Variants in GALNT2 observed in about 807,000 individuals in gnomAD.
The protein encoded by GALNT2 is polypeptide N-acetylgalactosaminyltransferase 2.
Under a neutral mutation model 81.4 loss-of-function variants are expected in GALNT2, and 31 were observed. The observed-to-expected ratio is 0.38, with a 90% CI of 0.29 to 0.51. The LOEUF (loss-of-function observed/expected upper bound fraction) is 0.51, where lower values mean the gene tolerates loss of function less well. GALNT2 is among the 20% of genes least tolerant of loss of function. The probability of loss-of-function intolerance (pLI) is 0.87; values close to 1 mark genes in which losing one functional copy is unlikely to be tolerated. For synonymous variants in GALNT2, 303 were observed against 287.4 expected, an observed-to-expected ratio of 1.05 and a Z score of -0.55; for missense variants, 629 against 765.7, an observed-to-expected ratio of 0.82 and a Z score of 2.11.
At chr1:230,092,800 A>G (rs1660134090) in intron 1 of GALNT2, among the ~76,000 whole-genome samples, 1 of 152,244 alleles carries the variant, frequency 6.6e-6, no homozygotes, top group South Asian at 2.1e-4. Context: ...GTAAGCACAG[A>G]TTCATTAAAA....
chr1:230,128,826 G>A (rs1184070580), intron 1 of GALNT2, among the ~76,000 whole-genome samples: 1 of 152,184 alleles, frequency 6.6e-6, no homozygotes, highest in Non-Finnish European at 1.5e-5. Context: ...CTTCCTATAT[G>A]TGGGGTGCCC....
chr1:230,236,892 T>G (rs1665050520), intron 6 of GALNT2, among the ~76,000 whole-genome samples, 167 bp downstream of exon 6: 2 of 152,216 alleles, frequency 1.3e-5, no homozygotes, highest in Admixed American at 6.5e-5. Context: ...GGAAAGACAT[T>G]AAAAGCTTGA....
intron 2 of GALNT2, among the ~76,000 whole-genome samples, chr1:230,186,218 CT>C (rs1261321849): frequency 1.3e-5 from 2 of 152,196 alleles, no homozygotes; most frequent in Non-Finnish European, 2.9e-5. Flanking sequence ...GTGTTCTTGA[CT>C]GTGGTTGGAC....
At chr1:230,166,710 T>C (rs890452692) in intron 1 of GALNT2, among the ~76,000 whole-genome samples, 2 of 152,236 alleles carry the variant, frequency 1.3e-5, no homozygotes, top group African/African-American at 2.4e-5. Context: ...ACTTCCTTGC[T>C]TTCTTCCCTT....
intron 1 of GALNT2, among the ~76,000 whole-genome samples, chr1:230,128,383 G>T (rs908177622): frequency 3.4e-5 from 5 of 145,266 alleles, no homozygotes; most frequent in African/African-American, 7.3e-5. Flanking sequence ...TCAGCCACTT[G>T]GAGTTTTGGG....
In GALNT2 at chr1:230,265,331, T is replaced by C. The variant is rs1450443283; in HGVS notation, c.1404T>C (p.Val468=). Residue 468 remains valine, a synonymous_variant, in exon 14 of 16, where the codon GTT becomes GTC. Coordinates refer to ENST00000366672, the MANE Select transcript of GALNT2 (RefSeq NM_004481.5). ...TGGGACACTTTGCTGATGGTGTGGT[T>C]GGAGTTTATGAATGTCACAATGCTG... ...DTLGHFADGV[V]GVYECHNAGG... 6.2e-7 allele frequency: 1 copy of C among 1,614,212 alleles called. No homozygotes were observed. The highest frequency in any genetic ancestry group is 1.1e-5 in the South Asian group (1 of 91,086).
intron 6 of GALNT2, among the ~76,000 whole-genome samples, chr1:230,240,465 G>T (rs948892129): frequency 4.6e-5 from 7 of 152,140 alleles, no homozygotes; most frequent in African/African-American, 1.7e-4. Flanking sequence ...GGTGGCATGC[G>T]CCTGTAGTCC....
At chr1:230,216,125 G>C (rs947007820) in intron 3 of GALNT2, among the ~76,000 whole-genome samples, 1 of 152,178 alleles carries the variant, frequency 6.6e-6, no homozygotes. Flanking sequence ...TGATAAATGA[G>C]ATCAATCTTC....
upstream of GALNT2, among the ~76,000 whole-genome samples, chr1:230,063,433 T>C (rs1209583171): frequency 6.6e-6 from 1 of 152,244 alleles, no homozygotes; most frequent in East Asian, 1.9e-4. Flanking sequence ...CATTACAGTT[T>C]GTCCTCATGA....
chr1:230,272,283 G>A (rs965177059), intron 14 of GALNT2, among the ~76,000 whole-genome samples: 14 of 152,116 alleles, frequency 9.2e-5, no homozygotes, highest in Admixed American at 6.5e-4. Context: ...ACTCAGGGTC[G>A]GGTGGCCTTC....
In GALNT2 at chr1:230,236,399, G is replaced by C; in HGVS notation, c.520G>C (p.Val174Leu). Residue 174 changes from valine (V) to leucine (L), a missense_variant, in exon 5 of 16, where the codon GTG (valine) becomes CTG (leucine). By Grantham distance (32) the Val-to-Leu change is conservative. Coordinates refer to ENST00000366672, the MANE Select transcript of GALNT2 (RefSeq NM_004481.5). ...PPHLIKEIIL[V>L]DDYSNDPEDG... Reference sequence around the variant, plus strand: ...CCATCTCATAAAAGAAATCATCTTGGTGGATGACTACAGCAATGATCGTGA... The same window carrying C: ...CCATCTCATAAAAGAAATCATCTTGCTGGATGACTACAGCAATGATCGTGA... The C allele has an allele frequency of 6.2e-7, 1 of 1,614,054 alleles. No individual in the cohort carries two copies. Among genetic ancestry groups the C allele is most frequent in the Non-Finnish European group, 8.5e-7 (1 of 1,179,972 alleles).
intron 1 of GALNT2, among the ~76,000 whole-genome samples, chr1:230,159,783 G>T (rs935474260): frequency 6.6e-6 from 1 of 152,222 alleles, no homozygotes; most frequent in Non-Finnish European, 1.5e-5. Flanking sequence ...CCTGCAGGCT[G>T]GCTGGCTTTG....
intron 11 of GALNT2, 47 bp downstream of exon 11, chr1:230,255,391 C>G (rs1262748889): frequency 6.2e-7 from 1 of 1,612,590 alleles, no homozygotes; most frequent in Non-Finnish European, 8.5e-7. Context: ...GATGACTACC[C>G]TGAAAGCAGG....
intron 1 of GALNT2, among the ~76,000 whole-genome samples, chr1:230,137,608 C>A (rs1027279488): frequency 6.6e-6 from 1 of 152,254 alleles, no homozygotes; most frequent in Non-Finnish European, 1.5e-5. Flanking sequence ...TACTTACATT[C>A]TCCTGATTCC....
intron 1 of GALNT2, among the ~76,000 whole-genome samples, chr1:230,080,163 G>A (rs1659683968): frequency 1.3e-5 from 2 of 152,166 alleles, no homozygotes; most frequent in African/African-American, 2.4e-5. Context: ...TACTGGCCCT[G>A]GAAGGATATT....
chr1:230,195,599 C>T lies in GALNT2; in HGVS notation c.221-7538C>T, dbSNP rs140252612. Among the ~76,000 whole-genome samples, 413 of 152,254 alleles carry T rather than the reference C, an allele frequency of 2.7e-3. 4 individuals carry two copies. The highest frequency in any genetic ancestry group is 0.017 in the Middle Eastern group (5 of 294). On this transcript the variant is annotated intron_variant, in intron 2 of 15. Coordinates refer to ENST00000366672, the MANE Select transcript of GALNT2 (RefSeq NM_004481.5). ...TATCTGTAAGTATGCACAGCATCAGCGGTGCGGGCATGGCTAGGAAGACCA... is the reference window on the plus strand; with the variant it reads ...TATCTGTAAGTATGCACAGCATCAGTGGTGCGGGCATGGCTAGGAAGACCA...
At position 230,275,805 on chromosome 1, in the gene GALNT2, T is replaced by C. The variant is rs560348943; in HGVS notation, c.1560+1241T>C. On this transcript the variant is annotated intron_variant, in intron 15 of 15. Coordinates refer to ENST00000366672, the MANE Select transcript of GALNT2 (RefSeq NM_004481.5). This position sits in a 1 kb window ranked among gnomAD's most constrained non-coding sequence, Gnocchi z 5.5. ...TATACATATATATACATGCCACATA[T>C]ATATACAAATATACATGCCACATAT... Among the ~76,000 whole-genome samples the C allele has an allele frequency of 7.8e-4, 118 of 151,110 alleles. 1 individual carries two copies. Among genetic ancestry groups the C allele is most frequent in the African/African-American group, 2.6e-3 (106 of 41,174 alleles).
upstream of GALNT2, chr1:230,067,232 G>C (rs1189828514): frequency 1.7e-6 from 2 of 1,198,326 alleles, no homozygotes; most frequent in South Asian, 2.8e-5. Context: ...GGCCGGCCCA[G>C]GCAGCACTCG....
intron 1 of GALNT2, among the ~76,000 whole-genome samples, chr1:230,158,783 C>T (rs1242832228): frequency 6.6e-6 from 1 of 152,236 alleles, no homozygotes; most frequent in Non-Finnish European, 1.5e-5. Flanking sequence ...CCCGCCACCT[C>T]CCATCACAGA....
Sources: gnomAD v4.1 joint callset for allele counts (sites outside exome capture counted in the v4.1 genomes callset) on GRCh38, gnomAD v4.1.1 for gene constraint, Gnocchi (gnomAD v3.1) non-coding constraint, MANE v1.5 for transcripts, NCBI Gene and HGNC (gene_info 2026-07-23, HGNC 2026-07-21) for gene names.